PTPN11: variants seen among roughly 807,000 people sequenced by gnomAD.
PTPN11 encodes the protein tyrosine-protein phosphatase non-receptor type 11.
Under a neutral mutation model 78.8 loss-of-function variants are expected in PTPN11, and 6 were observed. The observed-to-expected ratio is 0.08, with a 90% CI of 0.04 to 0.15. The LOEUF (loss-of-function observed/expected upper bound fraction) is 0.15. PTPN11 is among the 10% of genes least tolerant of loss of function. PTPN11 has a pLI of 1.00. For synonymous variants in PTPN11, 221 were observed against 263.5 expected, an observed-to-expected ratio of 0.84 and a Z score of 1.56; for missense variants, 386 against 744.8, an observed-to-expected ratio of 0.52 and a Z score of 5.61.
intron 2 of PTPN11, among the ~76,000 whole-genome samples, chr12:112,448,294 T>C (rs984034707): frequency 6.6e-6 from 1 of 151,684 alleles, no homozygotes; most frequent in Non-Finnish European, 1.5e-5. Flanking sequence ...CACCGCAACC[T>C]CCACCTCCTG....
At chr12:112,427,279 GC>G (rs2037632704) in intron 1 of PTPN11, among the ~76,000 whole-genome samples, 1 of 151,500 alleles carries the variant, frequency 6.6e-6, no homozygotes, top group Non-Finnish European at 1.5e-5. Context: ...GGGCGTGGTG[GC>G]TCACACCTGT....
chr12:112,466,055 T>A (rs565252661), intron 6 of PTPN11, among the ~76,000 whole-genome samples: 1 of 152,200 alleles, frequency 6.6e-6, no homozygotes, highest in East Asian at 1.9e-4. Context: ...AACAAATCAG[T>A]CTTTATCTTT....
chr12:112,419,615 C>T (rs1416648300), intron 1 of PTPN11, among the ~76,000 whole-genome samples: 1 of 152,232 alleles, frequency 6.6e-6, no homozygotes, highest in African/African-American at 2.4e-5. Context: ...TCACGCAGGA[C>T]CCCTGACCCT....
chr12:112,431,437 G>C (rs1471255560), intron 1 of PTPN11, among the ~76,000 whole-genome samples: 1 of 152,128 alleles, frequency 6.6e-6, no homozygotes, highest in Non-Finnish European at 1.5e-5. Context: ...CACCCTCATG[G>C]AACTGCCAGT....
At chr12:112,502,405 T>C in intron 14 of PTPN11, 149 bp downstream of exon 14, 1 of 747,354 alleles carries the variant, frequency 1.3e-6, no homozygotes, top group Non-Finnish European at 2.4e-6. Flanking sequence ...TATCTGTGAC[T>C]GGTGATATCT....
intron 1 of PTPN11, among the ~76,000 whole-genome samples, chr12:112,426,674 G>A (rs954896346): frequency 1.3e-5 from 2 of 152,034 alleles, no homozygotes; most frequent in African/African-American, 4.8e-5. Flanking sequence ...AATAGGCCCT[G>A]GAGCTTATTT....
chr12:112,485,071 G>A (rs2038652967), intron 10 of PTPN11, among the ~76,000 whole-genome samples: 1 of 152,046 alleles, frequency 6.6e-6, no homozygotes, highest in African/African-American at 2.4e-5. Context: ...GACCAGCCTG[G>A]CCAACATGGC....
chr12:112,498,842 T>C (rs1274983338), intron 13 of PTPN11, among the ~76,000 whole-genome samples: 1 of 152,222 alleles, frequency 6.6e-6, no homozygotes, highest in Non-Finnish European at 1.5e-5. Flanking sequence ...CCCATCTGAT[T>C]TGTGAGTCAG....
chr12:112,476,272 A>G (rs1165420097), intron 7 of PTPN11, among the ~76,000 whole-genome samples: 2 of 152,222 alleles, frequency 1.3e-5, no homozygotes, highest in African/African-American at 4.8e-5. Flanking sequence ...TCTGATGAAC[A>G]TCTCATTTCC....
In PTPN11 at chr12:112,453,189, CT is replaced by C. The variant is rs752342737; in HGVS notation, c.333-3del. ...TAAATTCTTTTTTATTTTTTAAAAA[CT>C]TTAGGTGGTTTCATGGACATCTCTC... On this transcript the variant is annotated splice_region_variant and splice_polypyrimidine_tract_variant and intron_variant, in intron 3 of 15. Transcript: ENST00000351677. The C allele has an allele frequency of 6.2e-6, 10 of 1,610,076 alleles. No individual in the cohort carries two copies. Among genetic ancestry groups the C allele is most frequent in the Non-Finnish European group, 8.5e-6 (10 of 1,178,228 alleles).
chr12:112,472,088 T>C (rs1282420874), intron 6 of PTPN11, among the ~76,000 whole-genome samples: 3 of 152,118 alleles, frequency 2.0e-5, no homozygotes, highest in Non-Finnish European at 4.4e-5. Flanking sequence ...AATCCTGAAG[T>C]GCTAGGATTA....
chr12:112,474,114 C>T (rs1319523696), intron 7 of PTPN11, among the ~76,000 whole-genome samples: 2 of 152,118 alleles, frequency 1.3e-5, no homozygotes, highest in South Asian at 2.1e-4. Context: ...CCTGGGAGGC[C>T]GAGGTGGGCG....
At chr12:112,466,913 C>G (rs1331338544) in intron 6 of PTPN11, among the ~76,000 whole-genome samples, 1 of 151,946 alleles carries the variant, frequency 6.6e-6, no homozygotes, top group Non-Finnish European at 1.5e-5. Context: ...TCTCCTTGGT[C>G]CTTTTCCTCC....
intron 12 of PTPN11, 82 bp downstream of exon 12, chr12:112,488,592 A>G: frequency 4.3e-6 from 6 of 1,395,064 alleles, no homozygotes; most frequent in South Asian, 2.3e-5. Flanking sequence ...AGTCTGGGGA[A>G]GAGAGGTTGA....
intron 14 of PTPN11, among the ~76,000 whole-genome samples, chr12:112,502,986 A>G (rs993639611): frequency 3.9e-5 from 6 of 152,212 alleles, no homozygotes; most frequent in Non-Finnish European, 7.3e-5. Context: ...TGTTCTGCTC[A>G]TTTGCCACCA....
In PTPN11 at chr12:112,506,031, C is replaced by G. The variant is rs1303875799; in HGVS notation, c.*239C>G. 1 of 152,246 alleles carries G rather than the reference C, an allele frequency of 6.6e-6. No individual in the cohort carries two copies. Among genetic ancestry groups the G allele is most frequent in the Non-Finnish European group, 1.5e-5 (1 of 68,042 alleles). 9.4% of individuals were successfully genotyped at this position (152,246 alleles called of 1,614,324 possible). On this transcript the variant is annotated 3_prime_UTR_variant, in exon 16 of 16. Coordinates refer to ENST00000351677, the MANE Select transcript of PTPN11 (RefSeq NM_002834.5). ...TTCCTCAGATAAGAAGAAATCATCTCTACAATGTAGACAACATTATATTTT... is the reference window on the plus strand; with the variant it reads ...TTCCTCAGATAAGAAGAAATCATCTGTACAATGTAGACAACATTATATTTT...
At chr12:112,500,772 A>G (rs528223450) in intron 13 of PTPN11, among the ~76,000 whole-genome samples, 1 of 151,922 alleles carries the variant, frequency 6.6e-6, no homozygotes, top group Admixed American at 6.6e-5. Context: ...TTGTATTTTT[A>G]GTAGAGACAG....
chr12:112,492,484 A>G (rs953720843), intron 13 of PTPN11, among the ~76,000 whole-genome samples: 4 of 151,504 alleles, frequency 2.6e-5, no homozygotes, highest in Admixed American at 1.3e-4. Context: ...TTGTGGGTAG[A>G]TACTGGAGAC....
Position 112,508,373 on chromosome 12 carries a change from A to G in PTPN11, c.*2581A>G, listed in dbSNP as rs1454733545. On this transcript the variant is annotated 3_prime_UTR_variant, in exon 16 of 16. Transcript: ENST00000351677. ...TACTTTACATGAGATGGAATCAGGC[A>G]GAGAGGCTGGGATGATGGAGAAAGC... 2 of 152,264 alleles carry G rather than the reference A, an allele frequency of 1.3e-5. No homozygotes were observed. The highest frequency in any genetic ancestry group is 2.9e-5 in the Non-Finnish European group (2 of 68,044). The allele number at this position is 152,264 out of a possible 1,614,324, so 9.4% of individuals were successfully genotyped here.
Sources: allele counts gnomAD v4.1 joint callset (sites outside exome capture counted in the v4.1 genomes callset), GRCh38; gene constraint gnomAD v4.1.1; transcripts MANE v1.5; gene names NCBI Gene and HGNC (gene_info 2026-07-23, HGNC 2026-07-21).